Variants in NXPE2 observed in about 807,000 individuals in gnomAD.
NXPE2 encodes NXPE family member 2.
In NXPE2, 34 loss-of-function variants were observed where a neutral mutation model predicts 34.4. The observed-to-expected ratio is 0.99, with a 90% confidence interval of 0.75 to 1.31. NXPE2 has a LOEUF of 1.31. Ranked by LOEUF, NXPE2 falls within the 40% of genes most tolerant of loss-of-function variation. The probability of loss-of-function intolerance (pLI) is 0.00; values close to 1 mark genes in which losing one functional copy is unlikely to be tolerated. For missense variants in NXPE2, 649 were observed against 672.5 expected, an observed-to-expected ratio of 0.97 and a Z score of 0.39; for synonymous variants, 235 against 231.3, an observed-to-expected ratio of 1.02 and a Z score of -0.15.
chr11:114,635,737 CT>C, the NXPE2 span, among the ~76,000 whole-genome samples: 20 of 152,078 alleles, frequency 1.3e-4, no homozygotes, highest in Admixed American at 8.5e-4. Flanking sequence ...TGGTTTTTGT[CT>C]TTGGTTCTGT....
At chr11:114,710,639 G>A (rs1248396046), downstream of NXPE2, among the ~76,000 whole-genome samples, 1 of 151,842 alleles carries the variant, frequency 6.6e-6, no homozygotes, top group Non-Finnish European at 1.5e-5. Context: ...AAAAGCCTAG[G>A]CCCAGATGGC....
the NXPE2 span, among the ~76,000 whole-genome samples, chr11:114,639,730 AATATAAAATAAT>A: frequency 7.9e-6 from 1 of 126,930 alleles, no homozygotes; most frequent in African/African-American, 2.9e-5. Flanking sequence ...ATAGTAATAT[AATATAAAATAAT>A]ATATAATATA....
Position 114,706,463 on chromosome 11 carries a change from CAT to C in NXPE2, c.1216_1217del (p.Ile406PhefsTer22), listed in dbSNP as rs1333509813. On this transcript the variant is annotated frameshift_variant, in exon 6 of 6. Coordinates refer to ENST00000389586, the MANE Select transcript of NXPE2 (RefSeq NM_182495.6). LOFTEE classifies it low-confidence loss of function (END_TRUNC). ...KTHVLLDVER[H>X]ILIQWKKHGH... ...ACATGTTCTTCTGGATGTTGAAAGA[CAT>C]ATTTTGATTCAGTGGAAAAAACATG... is the stretch of plus-strand genomic sequence containing the variant. 1.3e-6 allele frequency: 2 copies of C among 1,551,636 alleles called. No homozygotes were observed. The highest frequency in any genetic ancestry group is 8.7e-7 in the Non-Finnish European group (1 of 1,146,836).
the NXPE2 span, among the ~76,000 whole-genome samples, chr11:114,751,765 G>T: frequency 6.6e-6 from 1 of 152,090 alleles, no homozygotes; most frequent in African/African-American, 2.4e-5. Flanking sequence ...ACCAAATCTT[G>T]GTCACTTGAT....
the NXPE2 span, among the ~76,000 whole-genome samples, chr11:114,505,625 C>G: frequency 2.0e-5 from 3 of 152,108 alleles, no homozygotes; most frequent in Non-Finnish European, 4.4e-5. Context: ...TCTAGCCAAA[C>G]TAAGCTTCAT....
chr11:114,622,705 C>T, the NXPE2 span, among the ~76,000 whole-genome samples: 6 of 151,606 alleles, frequency 4.0e-5, no homozygotes, highest in Non-Finnish European at 5.9e-5. Context: ...CCCCTTTTCC[C>T]GGTGGATAAT....
chr11:114,680,342 A>G (rs756600360), intron 2 of NXPE2, among the ~76,000 whole-genome samples: 3 of 152,126 alleles, frequency 2.0e-5, no homozygotes, highest in Non-Finnish European at 4.4e-5. Flanking sequence ...GCCCGTTTAC[A>G]TTTGAACCCA....
the NXPE2 span, among the ~76,000 whole-genome samples, chr11:114,808,024 C>A: frequency 2.0e-5 from 3 of 152,180 alleles, no homozygotes; most frequent in East Asian, 3.9e-4. Flanking sequence ...AAACTAGAAC[C>A]CAGGATTAAG....
At chr11:114,575,248 A>G in the NXPE2 span, among the ~76,000 whole-genome samples, 2 of 152,168 alleles carry the variant, frequency 1.3e-5, no homozygotes, top group Non-Finnish European at 2.9e-5. Flanking sequence ...CTGAATGGGG[A>G]AAAGTTGAAA....
chr11:114,468,968 C>T, the NXPE2 span, among the ~76,000 whole-genome samples: 5 of 152,004 alleles, frequency 3.3e-5, no homozygotes, highest in Non-Finnish European at 7.4e-5. Context: ...AAATGATTTA[C>T]AGACAGGGTA....
the NXPE2 span, among the ~76,000 whole-genome samples, chr11:114,742,041 C>T: frequency 6.6e-6 from 1 of 152,120 alleles, no homozygotes; most frequent in African/African-American, 2.4e-5. Flanking sequence ...CTTCATACCT[C>T]TTGTTCCCTC....
chr11:114,537,276 T>G, the NXPE2 span, among the ~76,000 whole-genome samples: 1 of 152,178 alleles, frequency 6.6e-6, no homozygotes, highest in Non-Finnish European at 1.5e-5. Flanking sequence ...TGATGGGACA[T>G]ATCTCAAAAT....
the NXPE2 span, among the ~76,000 whole-genome samples, chr11:114,810,326 C>A: frequency 6.7e-6 from 1 of 148,830 alleles, no homozygotes; most frequent in African/African-American, 2.5e-5. Flanking sequence ...GCAACAAAAG[C>A]CAAAATTGAC....
chr11:114,500,954 T>C, the NXPE2 span, among the ~76,000 whole-genome samples: 16 of 152,186 alleles, frequency 1.1e-4, no homozygotes, highest in African/African-American at 3.6e-4. Flanking sequence ...TTCTGGACTT[T>C]CTATTCTGTT....
the NXPE2 span, among the ~76,000 whole-genome samples, chr11:114,609,647 C>T: frequency 0.012 from 1,871 of 151,424 alleles, 36 homozygotes; most frequent in African/African-American, 0.042. Flanking sequence ...AGTGTGGCCT[C>T]GTGGGTAACG....
At position 114,678,531 on chromosome 11, in the gene NXPE2, A is replaced by G; in HGVS notation, c.-45A>G. 1 of 1,471,924 alleles carries G rather than the reference A, an allele frequency of 6.8e-7. No homozygotes were observed. Among genetic ancestry groups the G allele is most frequent in the Non-Finnish European group, 9.3e-7 (1 of 1,078,360 alleles). 91.2% of individuals were successfully genotyped at this position (1,471,924 alleles called of 1,614,324 possible). On this transcript the variant is annotated 5_prime_UTR_variant, in exon 1 of 6. Coordinates refer to ENST00000389586, the MANE Select transcript of NXPE2 (RefSeq NM_182495.6). The stretch of plus-strand genomic sequence containing the variant: ...GATAAATGCAAAGACTGCTTTAATC[A>G]AGGAGAGTCTCTGGACACTATAATT...
the NXPE2 span, among the ~76,000 whole-genome samples, chr11:114,498,444 A>G: frequency 1.3e-5 from 2 of 152,108 alleles, no homozygotes; most frequent in Non-Finnish European, 1.5e-5. Flanking sequence ...ACTATTATGT[A>G]TCTGTAATAA....
At chr11:114,692,965 C>A (rs1445974513) in intron 2 of NXPE2, among the ~76,000 whole-genome samples, 1 of 152,106 alleles carries the variant, frequency 6.6e-6, no homozygotes, top group African/African-American at 2.4e-5. Flanking sequence ...CCATCTTGAT[C>A]CCTCCAATTT....
chr11:114,603,447 C>A, the NXPE2 span, among the ~76,000 whole-genome samples: 1 of 151,226 alleles, frequency 6.6e-6, no homozygotes, highest in African/African-American at 2.4e-5. Context: ...TAGGTAAATT[C>A]CATTACCTGG....
Sources: gnomAD v4.1 joint callset for allele counts (sites outside exome capture counted in the v4.1 genomes callset) on GRCh38, gnomAD v4.1.1 for gene constraint, MANE v1.5 for transcripts, NCBI Gene and HGNC (gene_info 2026-07-23, HGNC 2026-07-21) for gene names.